Variants in UTS2R observed in about 807,000 individuals in gnomAD.
UTS2R encodes the protein urotensin-2 receptor.
For synonymous variants in UTS2R, 335 were observed against 280.9 expected (o/e 1.19, Z -1.93); for missense variants, 653 against 562.2 (o/e 1.16, Z -1.63).
rs1462758004 is a variant in UTS2R, at chr17:82,374,271, G to A, written c.-54G>A. ...GAGCTGGTTGCCCACAGGGGCCCCC[G>A]CCCCATCTCAGGGAGTGTCCACCCA... On this transcript the variant is annotated 5_prime_UTR_variant, in exon 3 of 3. Transcript: ENST00000313135. 18 of 1,421,984 alleles carry A rather than the reference G, an allele frequency of 1.3e-5. No homozygotes were observed. The highest frequency in any genetic ancestry group is 1.0e-4 in the Admixed American group (4 of 39,788). 88.1% of individuals were successfully genotyped at this position (1,421,984 alleles called of 1,614,324 possible).
chr17:82,376,841 G>C lies in UTS2R; in HGVS notation c.*1347G>C, dbSNP rs535833712. Among the ~76,000 whole-genome samples the C allele has an allele frequency of 6.6e-6, 1 of 151,978 alleles. No homozygotes were observed. Among genetic ancestry groups the C allele is most frequent in the East Asian group, 1.9e-4 (1 of 5,166 alleles). ...CAGCCGCCCCGTCTGGGAGGGAGGT[G>C]GGGGGGTCAGCCCCCCGCCCGGCCA... On this transcript the variant is annotated 3_prime_UTR_variant, in exon 3 of 3. Transcript: ENST00000313135.
rs2052497636 is a variant in UTS2R at position 82,376,581 on chromosome 17, A to G, written c.*1087A>G. Among the ~76,000 whole-genome samples, 1 of 152,144 alleles carries G rather than the reference A, an allele frequency of 6.6e-6. No individual in the cohort carries two copies. ...CAGGACTGTGGCCGGCGTCAGGAAT[A>G]AGCATGCAGCGCTCTCCCCAGGGCC... On this transcript the variant is annotated 3_prime_UTR_variant, in exon 3 of 3. Coordinates refer to ENST00000313135, the MANE Select transcript of UTS2R (RefSeq NM_018949.3).
In UTS2R at chr17:82,376,503, C is replaced by T. The variant is rs1018574058; in HGVS notation, c.*1009C>T. On this transcript the variant is annotated 3_prime_UTR_variant, in exon 3 of 3. Transcript: ENST00000313135. ...TGAACACTGGGGCAAGGGTCATGCC[C>T]GCTTGGTCCCTCCAGTGCCTACCCC... Among the ~76,000 whole-genome samples, 52 of 152,324 alleles carry T rather than the reference C, an allele frequency of 3.4e-4. No individual in the cohort carries two copies. Among genetic ancestry groups the T allele is most frequent in the Admixed American group, 1.1e-3 (17 of 15,308 alleles).
At position 82,371,819 on chromosome 17, in the gene UTS2R, C is replaced by CG. The variant is rs1162355594; in HGVS notation, c.-491dup. Among the ~76,000 whole-genome samples, 7 of 151,642 alleles carry CG rather than the reference C, an allele frequency of 4.6e-5. No individual in the cohort carries two copies. In the South Asian group the frequency reaches 1.2e-3, roughly 27 times the overall value. ...GGCGGCGCAGAGACCCGGCGCGGGG[C>CG]GGGGGGCGCGGCTTTGGTGGCGGGA... On this transcript the variant is annotated 5_prime_UTR_variant, in exon 1 of 3. Transcript: ENST00000313135. The surrounding 1 kb of genome is among the most constrained non-coding windows in gnomAD (Gnocchi z 6.3).
In UTS2R at chr17:82,374,396, G is replaced by A. The variant is rs780429277; in HGVS notation, c.72G>A (p.Pro24=). Residue 24 remains proline (P), a synonymous_variant, in exon 3 of 3, where the codon CCG becomes CCA. Coordinates refer to ENST00000313135, the MANE Select transcript of UTS2R (RefSeq NM_018949.3). ...LAATGSSVPE[P]PGGPNATLNS... is the part of the protein sequence containing the mutation. ...CCACTGGCAGCTCTGTGCCGGAGCC[G>A]CCTGGCGGCCCCAACGCAACCCTCA... The A allele has an allele frequency of 1.9e-5, 31 of 1,591,638 alleles. No homozygotes were observed. In the East Asian group the frequency reaches 6.1e-4, roughly 31 times the overall value.
chr17:82,373,358 C>T (rs1418676348), intron 2 of UTS2R, among the ~76,000 whole-genome samples: 1 of 151,934 alleles, frequency 6.6e-6, no homozygotes, highest in Non-Finnish European at 1.5e-5. Context: ...GACGGGGTTT[C>T]GAGATGTTGG....
At position 82,375,423 on chromosome 17, in the gene UTS2R, A is replaced by G. The variant is rs1273439477; in HGVS notation, c.1099A>G (p.Thr367Ala). The G allele has an allele frequency of 6.4e-7, 1 of 1,571,986 alleles. No homozygotes were observed. Among genetic ancestry groups the G allele is most frequent in the Non-Finnish European group, 8.6e-7 (1 of 1,168,558 alleles). ...CCTGTCTTCCTGCAGCCCACAGCCC[A>G]CTGACAGCCTCGTGCTGGCCCCAGC... The part of the protein sequence containing the change: ...RSLSSCSPQP[T>A]DSLVLAPAAP... Residue 367 changes from threonine (T) to alanine (A), a missense_variant, in exon 3 of 3, where the codon ACT becomes GCT. By Grantham distance (58) the Thr-to-Ala change is moderately conservative. Coordinates refer to ENST00000313135, the MANE Select transcript of UTS2R (RefSeq NM_018949.3).
chr17:82,375,450 GC>G lies in UTS2R; in HGVS notation c.1130del (p.Pro377ArgfsTer75). 1.3e-6 allele frequency: 2 copies of G among 1,538,278 alleles called. No individual in the cohort carries two copies. The highest frequency in any genetic ancestry group is 1.2e-5 in the South Asian group (1 of 85,406). ...PTDSLVLAPA[A>X]PARPAPEGPR... The stretch of plus-strand genomic sequence containing the variant: ...TGACAGCCTCGTGCTGGCCCCAGCG[GC>G]CCCGGCCCGACCTGCGCCCGAGGGT... On this transcript the variant is annotated frameshift_variant, in exon 3 of 3. Transcript: ENST00000313135. LOFTEE classifies it low-confidence loss of function (END_TRUNC).
chr17:82,373,074 T>C (rs2052461785), intron 2 of UTS2R, among the ~76,000 whole-genome samples: 1 of 152,238 alleles, frequency 6.6e-6, no homozygotes, highest in Non-Finnish European at 1.5e-5. Context: ...GGTCTCTTTT[T>C]TTCAAATGGG....
intron 2 of UTS2R, among the ~76,000 whole-genome samples, 114 bp downstream of exon 2, chr17:82,372,897 A>C (rs1258956479): frequency 1.3e-5 from 2 of 152,172 alleles, no homozygotes; most frequent in Non-Finnish European, 2.9e-5. Flanking sequence ...GCAACAGGAA[A>C]CGGCAGGGCC....
intron 2 of UTS2R, among the ~76,000 whole-genome samples, chr17:82,373,337 T>A (rs574866059): frequency 6.6e-6 from 1 of 152,294 alleles, no homozygotes; most frequent in African/African-American, 2.4e-5. Flanking sequence ...AATTTTTGTA[T>A]TTTTAGTAGA....
chr17:82,372,898 C>T (rs11077991), intron 2 of UTS2R, among the ~76,000 whole-genome samples, 115 bp downstream of exon 2: 1 of 152,086 alleles, frequency 6.6e-6, no homozygotes, highest in Non-Finnish European at 1.5e-5. Context: ...CAACAGGAAA[C>T]GGCAGGGCCA....
rs542111858 is a variant in UTS2R at position 82,374,632 on chromosome 17, G to A, written c.308G>A (p.Ser103Asn). ...LALADLLYLL[S>N]IPFIVATYVT... ...CTGGCCGACCTGCTGTACCTGCTCA[G>A]CATCCCCTTCATCGTGGCCACCTAC... is the stretch of plus-strand genomic sequence containing the variant. Residue 103 changes from serine (S) to asparagine (N), a missense_variant, in exon 3 of 3, where the codon AGC becomes AAC. Coordinates refer to ENST00000313135, the MANE Select transcript of UTS2R (RefSeq NM_018949.3). The A allele has an allele frequency of 1.9e-6, 3 of 1,612,898 alleles. No individual in the cohort carries two copies. The highest frequency in any genetic ancestry group is 1.3e-5 in the African/African-American group (1 of 75,054).
rs2052495938 is a variant in UTS2R, at chr17:82,376,374, C to T, written c.*880C>T. Among the ~76,000 whole-genome samples, 2 of 151,986 alleles carry T rather than the reference C, an allele frequency of 1.3e-5. No homozygotes were observed. The highest frequency in any genetic ancestry group is 4.1e-4 in the South Asian group (2 of 4,828). The stretch of plus-strand genomic sequence containing the variant: ...TCCTCTCTCTGGCGACTGCCCCCCT[C>T]CAGCCCCCAGCCCGGCCCCGGACCC... On this transcript the variant is annotated 3_prime_UTR_variant, in exon 3 of 3. Coordinates refer to ENST00000313135, the MANE Select transcript of UTS2R (RefSeq NM_018949.3).
chr17:82,376,187 C>T lies in UTS2R; in HGVS notation c.*693C>T, dbSNP rs913347661. ...AACGCAAGAGGACAAGGTCAGTGGC[C>T]GCACCTACAGGCCTCCTGGCCTCTC... On this transcript the variant is annotated 3_prime_UTR_variant, in exon 3 of 3. Transcript: ENST00000313135. Among the ~76,000 whole-genome samples, 6 of 152,282 alleles carry T rather than the reference C, an allele frequency of 3.9e-5. No homozygotes were observed. Among genetic ancestry groups the T allele is most frequent in the East Asian group, 1.9e-4 (1 of 5,182 alleles).
Position 82,375,582 on chromosome 17 carries a change from G to C in UTS2R, c.*88G>C. The C allele has an allele frequency of 1.8e-6, 1 of 541,732 alleles. No homozygotes were observed. Among genetic ancestry groups the C allele is most frequent in the Admixed American group, 4.2e-5 (1 of 23,602 alleles). The allele number at this position is 541,732 out of a possible 1,614,324, so 33.6% of individuals were successfully genotyped here. A position where few individuals can be genotyped will look rare whatever the true frequency, so the allele number is the denominator to read the frequency against. ...GAGCCCCCCCAACTCCCAAATCACA[G>C]GCCCTGCCCCTCCTCCGTCCCCTTC... On this transcript the variant is annotated 3_prime_UTR_variant, in exon 3 of 3. Transcript: ENST00000313135.
intron 2 of UTS2R, 116 bp from the exon 3 acceptor site, chr17:82,374,127 G>C (rs1300357698): frequency 1.7e-6 from 1 of 575,662 alleles, no homozygotes; most frequent in Admixed American, 3.1e-5. Flanking sequence ...GTGGCTTCCA[G>C]AGAGTCCCGA....
rs933755502 is a variant in UTS2R, at chr17:82,371,844, A to G, written c.-472A>G. On this transcript the variant is annotated 5_prime_UTR_variant, in exon 1 of 3. Transcript: ENST00000313135. The surrounding 1 kb of genome is among the most constrained non-coding windows in gnomAD (Gnocchi z 6.3). ...CGGGGGGCGCGGCTTTGGTGGCGGG[A>G]CTGGCGGGCGCCCCTGCCGTGTGCT... Among the ~76,000 whole-genome samples, 2 of 150,932 alleles carry G rather than the reference A, an allele frequency of 1.3e-5. No homozygotes were observed. Among genetic ancestry groups the G allele is most frequent in the Non-Finnish European group, 3.0e-5 (2 of 67,292 alleles).
In UTS2R at chr17:82,374,460, G is replaced by T; in HGVS notation, c.136G>T (p.Glu46Ter). The T allele has an allele frequency of 6.3e-7, 1 of 1,599,598 alleles. No homozygotes were observed. ...CAGCCCGACCGAGCCCAGCTCCCTG[G>T]AGGACCTGGTGGCCACGGGCACCAT... ...WASPTEPSSL[E>*]DLVATGTIGT... Residue 46 changes from glutamate to a stop codon, truncating the protein, a stop_gained, in exon 3 of 3, where the codon GAG (glutamate) becomes TAG (stop). Transcript: ENST00000313135. LOFTEE classifies it low-confidence loss of function (END_TRUNC).
Sources: gnomAD v4.1 joint callset for allele counts (sites outside exome capture counted in the v4.1 genomes callset) on GRCh38, gnomAD v4.1.1 for gene constraint, Gnocchi (gnomAD v3.1) non-coding constraint, MANE v1.5 for transcripts, NCBI Gene and HGNC (gene_info 2026-07-23, HGNC 2026-07-21) for gene names.